DOK6: variants seen among roughly 807,000 people sequenced by gnomAD.
DOK6 encodes docking protein 6, also known as downstream of tyrosine kinase 6.
In DOK6, 22 loss-of-function variants were observed where a neutral mutation model predicts 44.0. The ratio of observed to expected loss-of-function variants is 0.50; its 90% CI spans 0.36 to 0.71. The LOEUF is 0.71. Ranked by LOEUF, DOK6 falls within the 30% of genes least tolerant of loss-of-function variation. The pLI, the probability that DOK6 is intolerant of heterozygous loss-of-function variation, is 0.00. For synonymous variants in DOK6, 166 were observed against 145.5 expected (o/e 1.14, Z -1.01); for missense variants, 340 against 416.4 (o/e 0.82, Z 1.60).
At chr18:69,575,394 G>T (rs1983214828) in intron 2 of DOK6, among the ~76,000 whole-genome samples, 1 of 152,104 alleles carries the variant, frequency 6.6e-6, no homozygotes, top group South Asian at 2.1e-4. Context: ...TAGAATTAAA[G>T]TTAAGGTAGG....
intron 7 of DOK6, among the ~76,000 whole-genome samples, chr18:69,834,523 G>GA (rs1329924648): frequency 6.6e-6 from 1 of 152,060 alleles, no homozygotes; most frequent in Admixed American, 6.6e-5. Flanking sequence ...AGCTAGTAAA[G>GA]AACTCCAATA....
chr18:69,810,475 A>G (rs1981190042), intron 7 of DOK6, among the ~76,000 whole-genome samples: 1 of 152,086 alleles, frequency 6.6e-6, no homozygotes, highest in Admixed American at 6.6e-5. Flanking sequence ...ATGGGATTAC[A>G]TCAAACTAAT....
intron 5 of DOK6, among the ~76,000 whole-genome samples, chr18:69,716,117 A>T (rs1382509972): frequency 6.6e-6 from 1 of 152,174 alleles, no homozygotes; most frequent in African/African-American, 2.4e-5. Context: ...TATTTTCTCC[A>T]ATCGTGCTAA....
intron 1 of DOK6, among the ~76,000 whole-genome samples, chr18:69,558,672 C>G (rs546928589): frequency 6.6e-6 from 1 of 152,000 alleles, no homozygotes; most frequent in Non-Finnish European, 1.5e-5. Context: ...TACAATATAC[C>G]TAACCATTAG....
chr18:69,410,182 C>G (rs765471360), intron 1 of DOK6, among the ~76,000 whole-genome samples: 19 of 152,210 alleles, frequency 1.2e-4, no homozygotes, highest in Admixed American at 4.6e-4. Context: ...CCGTTGTTTT[C>G]TGATATTTTG....
chr18:69,537,948 C>CT (rs1982166504), intron 1 of DOK6, among the ~76,000 whole-genome samples: 1 of 151,932 alleles, frequency 6.6e-6, no homozygotes, highest in South Asian at 2.1e-4. Context: ...CTGTTCTTTT[C>CT]TAGAAGAATG....
intron 3 of DOK6, among the ~76,000 whole-genome samples, chr18:69,651,752 G>A (rs1985234035): frequency 1.3e-5 from 2 of 151,810 alleles, no homozygotes; most frequent in Non-Finnish European, 2.9e-5. Flanking sequence ...CCTCCAAAGT[G>A]TTGAGATTAC....
intron 2 of DOK6, 150 bp downstream of exon 2, chr18:69,564,744 C>T (rs1568297863): frequency 3.1e-6 from 2 of 647,600 alleles, no homozygotes; most frequent in Non-Finnish European, 5.1e-6. Context: ...TTATTTTTCT[C>T]CTTTAATTAT....
intron 5 of DOK6, among the ~76,000 whole-genome samples, chr18:69,724,233 C>G (rs1978295499): frequency 6.6e-6 from 1 of 152,078 alleles, no homozygotes; most frequent in Non-Finnish European, 1.5e-5. Flanking sequence ...TAAAATCAGA[C>G]AACAGAGCAA....
Position 69,791,056 on chromosome 18 carries a change from T to C in DOK6, c.856+33183T>C, listed in dbSNP as rs866353287. 2.0e-5 allele frequency among the ~76,000 whole-genome samples: 3 copies of C among 152,224 alleles called. No homozygotes were observed. In the South Asian group the frequency reaches 6.2e-4, roughly 32 times the overall value. ...CTTGTTTTTCTGTGCCTGGTTTATT[T>C]CAGTTTAAATGATGACCTCAAATTC... On this transcript the variant is annotated intron_variant, in intron 7 of 7. Coordinates refer to ENST00000382713, the MANE Select transcript of DOK6 (RefSeq NM_152721.6).
intron 1 of DOK6, among the ~76,000 whole-genome samples, chr18:69,507,980 T>C (rs1193670048): frequency 6.6e-6 from 1 of 152,162 alleles, no homozygotes; most frequent in African/African-American, 2.4e-5. Context: ...CTTTCACCTT[T>C]ATGTATGATG....
chr18:69,822,945 T>C (rs1451566043), intron 7 of DOK6, among the ~76,000 whole-genome samples: 1 of 152,228 alleles, frequency 6.6e-6, no homozygotes, highest in Non-Finnish European at 1.5e-5. Flanking sequence ...ATAGTATTTT[T>C]ACATTTTTAT....
intron 2 of DOK6, among the ~76,000 whole-genome samples, chr18:69,579,937 T>G (rs1983327741): frequency 6.6e-6 from 1 of 152,146 alleles, no homozygotes; most frequent in Admixed American, 6.6e-5. Context: ...GTCAATTTTT[T>G]TAATGTTTCA....
At position 69,480,429 on chromosome 18, in the gene DOK6, T is replaced by C. The variant is rs979028189; in HGVS notation, c.66+79119T>C. ...TTTTTATTTGCTAGTTACATATCTG[T>C]GACTAAATTAATCTATAGAAATGAG... On this transcript the variant is annotated intron_variant, in intron 1 of 7. Transcript: ENST00000382713. Among the ~76,000 whole-genome samples, 14 of 152,186 alleles carry C rather than the reference T, an allele frequency of 9.2e-5. No individual in the cohort carries two copies. In the East Asian group the frequency reaches 2.7e-3, roughly 29 times the overall value.
At chr18:69,530,883 T>G (rs1981966541) in intron 1 of DOK6, among the ~76,000 whole-genome samples, 1 of 152,148 alleles carries the variant, frequency 6.6e-6, no homozygotes, top group Non-Finnish European at 1.5e-5. Context: ...CTCCTATTAT[T>G]ATTGTGTGGG....
At chr18:69,550,777 CTTTTTTT>C (rs10538639) in intron 1 of DOK6, among the ~76,000 whole-genome samples, 2 of 121,436 alleles carry the variant, frequency 1.6e-5, no homozygotes, top group African/African-American at 3.0e-5. Context: ...TTGTTTCTTT[CTTTTTTT>C]TTTTTTTTTT....
At chr18:69,570,726 C>G (rs1983094006) in intron 2 of DOK6, among the ~76,000 whole-genome samples, 1 of 152,040 alleles carries the variant, frequency 6.6e-6, no homozygotes, top group South Asian at 2.1e-4. Flanking sequence ...GGGCAGTGAT[C>G]TTGGAAACCA....
chr18:69,753,981 T>C (rs764308581), intron 6 of DOK6, among the ~76,000 whole-genome samples: 3 of 152,170 alleles, frequency 2.0e-5, no homozygotes, highest in Non-Finnish European at 4.4e-5. Flanking sequence ...TAAATATTTA[T>C]TTGCAATATA....
intron 6 of DOK6, 104 bp downstream of exon 6, chr18:69,739,207 C>A (rs1156748191): frequency 2.0e-6 from 3 of 1,466,810 alleles, no homozygotes; most frequent in Non-Finnish European, 9.2e-7. Flanking sequence ...GCCTGGGTGT[C>A]CACCCTGCCC....
Sources: gnomAD v4.1 joint callset for allele counts (sites outside exome capture counted in the v4.1 genomes callset) on GRCh38, gnomAD v4.1.1 for gene constraint, MANE v1.5 for transcripts, NCBI Gene and HGNC (gene_info 2026-07-23, HGNC 2026-07-21) for gene names.